Variants in SH3RF3 observed in about 807,000 individuals in gnomAD.
SH3RF3 encodes SH3 domain containing ring finger 3, also known as E3 ubiquitin-protein ligase SH3RF3.
In SH3RF3, 29 loss-of-function variants were observed where a neutral mutation model predicts 66.3. That is an observed-to-expected ratio of 0.44 (90% CI 0.33 to 0.60). The LOEUF (loss-of-function observed/expected upper bound fraction) is 0.60. Ranked by LOEUF, SH3RF3 falls within the 20% of genes least tolerant of loss-of-function variation. The pLI is 0.04. For synonymous variants in SH3RF3, 583 were observed against 532.0 expected, an observed-to-expected ratio of 1.10 and a Z score of -1.32; for missense variants, 1,194 against 1,190.9, an observed-to-expected ratio of 1.00 and a Z score of -0.04.
chr2:109,493,297 TG>T (rs1679178544), intron 9 of SH3RF3, among the ~76,000 whole-genome samples: 1 of 120,940 alleles, frequency 8.3e-6, no homozygotes, highest in Admixed American at 8.7e-5. Flanking sequence ...ACACACACCA[TG>T]CACACCATGC....
intron 9 of SH3RF3, among the ~76,000 whole-genome samples, chr2:109,497,870 T>A (rs1679293164): frequency 6.6e-6 from 1 of 152,254 alleles, no homozygotes; most frequent in African/African-American, 2.4e-5. Context: ...AAACTTGCAT[T>A]CAAAGTCTGA....
intron 1 of SH3RF3, among the ~76,000 whole-genome samples, chr2:109,277,343 T>C (rs1322166862): frequency 6.6e-6 from 1 of 152,192 alleles, no homozygotes; most frequent in East Asian, 1.9e-4. Flanking sequence ...ATGATTATTT[T>C]CTCAGTGTCA....
chr2:109,198,861 A>G (rs922789924), intron 1 of SH3RF3, among the ~76,000 whole-genome samples: 3 of 152,210 alleles, frequency 2.0e-5, no homozygotes, highest in African/African-American at 7.2e-5. Flanking sequence ...GGATGTGACT[A>G]TACTGAACAC....
intron 8 of SH3RF3, among the ~76,000 whole-genome samples, chr2:109,477,217 G>C (rs1678705586): frequency 6.6e-6 from 1 of 152,174 alleles, no homozygotes; most frequent in Admixed American, 6.5e-5. Context: ...CACTGCCCCG[G>C]GTTGCACACC....
Position 109,503,496 on chromosome 2 carries a change from A to G in SH3RF3, c.*1825A>G, listed in dbSNP as rs1679449868. 6.6e-6 allele frequency: 1 copy of G among 152,214 alleles called. No individual in the cohort carries two copies. The highest frequency in any genetic ancestry group is 2.4e-5 in the African/African-American group (1 of 41,452). The allele number at this position is 152,214 out of a possible 1,614,324, so 9.4% of individuals were successfully genotyped here. On this transcript the variant is annotated 3_prime_UTR_variant, in exon 10 of 10. Coordinates refer to ENST00000309415, the MANE Select transcript of SH3RF3 (RefSeq NM_001099289.3). Reference sequence around the variant, plus strand: ...AGACTCAAAGAAGTTGTTCAGAATCAAAGAAGAAAAAGTCTGGCTTAAACA... The same window carrying G: ...AGACTCAAAGAAGTTGTTCAGAATCGAAGAAGAAAAAGTCTGGCTTAAACA...
chr2:109,476,427 G>A (rs949772843), intron 8 of SH3RF3, among the ~76,000 whole-genome samples: 1 of 152,224 alleles, frequency 6.6e-6, no homozygotes, highest in Non-Finnish European at 1.5e-5. Context: ...GGTAGCCCCA[G>A]GGGAGGTAGT....
At chr2:109,205,647 C>T (rs1409143604) in intron 1 of SH3RF3, among the ~76,000 whole-genome samples, 5 of 152,168 alleles carry the variant, frequency 3.3e-5, no homozygotes, top group Non-Finnish European at 7.3e-5. Flanking sequence ...AATCACATGG[C>T]TCAGTCTGTT....
intron 1 of SH3RF3, among the ~76,000 whole-genome samples, chr2:109,193,845 T>C (rs1249604941): frequency 6.6e-6 from 1 of 152,168 alleles, no homozygotes; most frequent in African/African-American, 2.4e-5. Context: ...TTAAGTCTCG[T>C]CTAGCCCCGG....
chr2:109,177,441 G>T (rs926695584), intron 1 of SH3RF3, among the ~76,000 whole-genome samples: 1 of 152,178 alleles, frequency 6.6e-6, no homozygotes, highest in Non-Finnish European at 1.5e-5. Context: ...CTTGGGGCCT[G>T]TGATCTGCCA....
At chr2:109,416,904 CAAAAAAA>C (rs59855463) in intron 4 of SH3RF3, among the ~76,000 whole-genome samples, 3 of 64,356 alleles carry the variant, frequency 4.7e-5, no homozygotes, top group East Asian at 4.5e-4. Flanking sequence ...GACTTCATCT[CAAAAAAA>C]AAAAAAAAAA....
chr2:109,313,865 G>A (rs564770083), intron 1 of SH3RF3, among the ~76,000 whole-genome samples: 2 of 151,596 alleles, frequency 1.3e-5, no homozygotes. Flanking sequence ...AGCCAGAGCA[G>A]AGGGATTTGA....
rs1384480216 is a variant in SH3RF3 at position 109,501,597 on chromosome 2, G to A, written c.2575G>A (p.Gly859Ser). ...CTTTGTGCACAAGAAGCGTGAGGAC[G>A]GCTGGTACAAGGGGACCCTGCAGCG... ...IVFVHKKRED[G>S]WYKGTLQRNG... Residue 859 changes from glycine to serine, a missense_variant, in exon 10 of 10, where the codon GGC becomes AGC. Physicochemically the swap from Gly to Ser is moderately conservative, Grantham distance 56. Coordinates refer to ENST00000309415, the MANE Select transcript of SH3RF3 (RefSeq NM_001099289.3). 3.8e-6 allele frequency: 3 copies of A among 779,490 alleles called. No homozygotes were observed. Among genetic ancestry groups the A allele is most frequent in the Non-Finnish European group, 7.2e-6 (3 of 417,502 alleles). The allele number at this position is 779,490 out of a possible 1,614,324, so 48.3% of individuals were successfully genotyped here.
At chr2:109,130,248 C>T (rs1327767879) in intron 1 of SH3RF3, 135 bp downstream of exon 1, 14 of 874,524 alleles carry the variant, frequency 1.6e-5, no homozygotes, top group African/African-American at 3.5e-5. Context: ...TGTTGCTCTT[C>T]CTCCAACTTC....
intron 1 of SH3RF3, among the ~76,000 whole-genome samples, chr2:109,136,155 G>C (rs1175044079): frequency 1.3e-5 from 2 of 152,068 alleles, no homozygotes; most frequent in Non-Finnish European, 2.9e-5. Flanking sequence ...ATTGTTTCTA[G>C]TGTGCATTTC....
At chr2:109,457,860 C>A (rs1412772828) in intron 8 of SH3RF3, among the ~76,000 whole-genome samples, 1 of 152,144 alleles carries the variant, frequency 6.6e-6, no homozygotes, top group African/African-American at 2.4e-5. Flanking sequence ...CACATCAGAC[C>A]CAGCCGTCTG....
chr2:109,442,276 A>T (rs1206262221), intron 7 of SH3RF3, among the ~76,000 whole-genome samples: 1 of 149,648 alleles, frequency 6.7e-6, no homozygotes, highest in Non-Finnish European at 1.5e-5. Context: ...GTGCCACTGC[A>T]CTCCAGCCTG....
intron 8 of SH3RF3, among the ~76,000 whole-genome samples, chr2:109,459,386 G>T (rs531114000): frequency 1.3e-5 from 2 of 152,044 alleles, no homozygotes; most frequent in Non-Finnish European, 2.9e-5. Context: ...TTCAGAAAGC[G>T]CCTCATCTGG....
At chr2:109,279,133 A>G (rs148095154) in intron 1 of SH3RF3, among the ~76,000 whole-genome samples, 133 of 152,256 alleles carry the variant, frequency 8.7e-4, no homozygotes, top group African/African-American at 3.0e-3. Flanking sequence ...AAAACCATCC[A>G]TGGGATATTG....
At chr2:109,307,390 C>G (rs899105612) in intron 1 of SH3RF3, among the ~76,000 whole-genome samples, 4 of 151,254 alleles carry the variant, frequency 2.6e-5, no homozygotes, top group Non-Finnish European at 5.9e-5. Flanking sequence ...CATCCATGCT[C>G]TGGGCGGAAG....
Sources: gnomAD v4.1 joint callset for allele counts (sites outside exome capture counted in the v4.1 genomes callset) on GRCh38, gnomAD v4.1.1 for gene constraint, MANE v1.5 for transcripts, NCBI Gene and HGNC (gene_info 2026-07-23, HGNC 2026-07-21) for gene names.